NFIB: variants seen among roughly 807,000 people sequenced by gnomAD.
NFIB encodes the protein nuclear factor I B, also known as nuclear factor 1 B-type.
In NFIB, 11 loss-of-function variants were observed where a neutral mutation model predicts 61.5. The ratio of observed to expected loss-of-function variants is 0.18; its 90% CI spans 0.11 to 0.30. NFIB has a LOEUF of 0.30. Ranked by LOEUF, NFIB falls within the 10% of genes least tolerant of loss-of-function variation. The pLI, the probability that NFIB is intolerant of heterozygous loss-of-function variation, is 1.00. For synonymous variants in NFIB, 260 were observed against 216.5 expected (o/e 1.20, Z -1.76); for missense variants, 471 against 608.9 (o/e 0.77, Z 2.38).
intron 2 of NFIB, among the ~76,000 whole-genome samples, chr9:14,289,124 A>ATG (rs2058917115): frequency 7.2e-6 from 1 of 138,302 alleles, no homozygotes; most frequent in Admixed American, 7.7e-5. Flanking sequence ...GTGTATATGT[A>ATG]TATATATATA....
At chr9:14,498,809 TCCTCCCTTCCTC>T in the NFIB span, among the ~76,000 whole-genome samples, 71 of 67,600 alleles carry the variant, frequency 1.1e-3, 1 homozygote, top group South Asian at 5.7e-3. Flanking sequence ...CTTCCTCCCT[TCCTCCCTTCCTC>T]CCTTCCTCCC....
chr9:14,462,549 T>A, the NFIB span, among the ~76,000 whole-genome samples: 1 of 152,154 alleles, frequency 6.6e-6, no homozygotes, highest in Non-Finnish European at 1.5e-5. Context: ...CCCAAAGTGC[T>A]GGGATTACAG....
intron 2 of NFIB, among the ~76,000 whole-genome samples, chr9:14,221,584 A>G (rs1176449561): frequency 6.6e-6 from 1 of 151,960 alleles, no homozygotes; most frequent in Admixed American, 6.6e-5. Context: ...AGCTTATCTG[A>G]CTCCCCAATT....
At chr9:14,495,576 C>G in the NFIB span, among the ~76,000 whole-genome samples, 1 of 151,184 alleles carries the variant, frequency 6.6e-6, no homozygotes, top group South Asian at 2.1e-4. Context: ...GAGGGCAACG[C>G]CAATCATTTC....
At chr9:14,439,278 G>C in the NFIB span, among the ~76,000 whole-genome samples, 1 of 152,170 alleles carries the variant, frequency 6.6e-6, no homozygotes, top group Non-Finnish European at 1.5e-5. Flanking sequence ...GCTGAGGTGG[G>C]AGGATCCCTT....
At chr9:14,358,454 C>A (rs540887410) in intron 1 of NFIB, among the ~76,000 whole-genome samples, 91 of 152,192 alleles carry the variant, frequency 6.0e-4, no homozygotes, top group African/African-American at 2.0e-3. Flanking sequence ...AGGAGAGAGT[C>A]TGATTTGCAG....
At chr9:14,487,252 A>C in the NFIB span, among the ~76,000 whole-genome samples, 1 of 152,250 alleles carries the variant, frequency 6.6e-6, no homozygotes, top group East Asian at 1.9e-4. Context: ...TTTAAGAAAT[A>C]AATGGTTACG....
the NFIB span, among the ~76,000 whole-genome samples, chr9:14,419,866 T>C: frequency 6.6e-6 from 1 of 152,326 alleles, no homozygotes; most frequent in Non-Finnish European, 1.5e-5. Flanking sequence ...CTAGAAAACA[T>C]GAACCTGAGC....
At chr9:14,333,664 T>G (rs1429027185) in intron 1 of NFIB, among the ~76,000 whole-genome samples, 1 of 152,230 alleles carries the variant, frequency 6.6e-6, no homozygotes, top group Non-Finnish European at 1.5e-5. Flanking sequence ...TCTCTTCCTG[T>G]GCTTTCGAAA....
At chr9:14,365,515 T>C (rs186160401) in intron 1 of NFIB, among the ~76,000 whole-genome samples, 5 of 152,370 alleles carry the variant, frequency 3.3e-5, no homozygotes, top group Admixed American at 2.0e-4. Context: ...ATAAGATCCC[T>C]GCAGGTAGAC....
the NFIB span, among the ~76,000 whole-genome samples, chr9:14,460,195 A>G: frequency 1.3e-5 from 2 of 152,204 alleles, no homozygotes; most frequent in Non-Finnish European, 2.9e-5. Context: ...GCCATAAAAA[A>G]TGATGAGTTC....
chr9:14,192,128 G>C (rs986688000), intron 2 of NFIB, among the ~76,000 whole-genome samples: 2 of 152,116 alleles, frequency 1.3e-5, no homozygotes, highest in Admixed American at 1.3e-4. Flanking sequence ...GTCACCTGTT[G>C]TTTTTGGTCT....
At chr9:14,227,829 T>C (rs1468694952) in intron 2 of NFIB, among the ~76,000 whole-genome samples, 6 of 152,196 alleles carry the variant, frequency 3.9e-5, no homozygotes, top group Non-Finnish European at 7.3e-5. Context: ...GCTGTTTAGC[T>C]GCAGAGAGGA....
chr9:14,458,621 T>C, the NFIB span, among the ~76,000 whole-genome samples: 1 of 152,162 alleles, frequency 6.6e-6, no homozygotes, highest in Non-Finnish European at 1.5e-5. Context: ...GAAGACCCCA[T>C]CGTCTCAGCT....
At position 14,102,635 on chromosome 9, in the gene NFIB, A is replaced by T. The variant is rs975660518; in HGVS notation, c.1467+10364T>A. ...CCTTACTTTCCCAAGAGGCAACTTA[A>T]AGAAAAAAAAAAAGCAAAAAAAAAT... On this transcript the variant is annotated intron_variant, in intron 10 of 10. Transcript: ENST00000380953. 3 of 643,136 alleles carry T rather than the reference A, an allele frequency of 4.7e-6. No homozygotes were observed. In the African/African-American group the frequency reaches 6.2e-5, roughly 13 times the overall value. The allele number at this position is 643,136 out of a possible 1,614,324, so 39.8% of individuals were successfully genotyped here.
At chr9:14,269,135 A>G (rs992305294) in intron 2 of NFIB, among the ~76,000 whole-genome samples, 4 of 152,150 alleles carry the variant, frequency 2.6e-5, no homozygotes, top group Admixed American at 2.0e-4. Flanking sequence ...TATTAAAAAC[A>G]TTTTAATAGA....
intron 8 of NFIB, among the ~76,000 whole-genome samples, chr9:14,117,378 T>C (rs578069377): frequency 1.3e-5 from 2 of 152,310 alleles, no homozygotes; most frequent in East Asian, 3.9e-4. Context: ...AGACTGAGAA[T>C]GTTATTTTTG....
chr9:14,375,659 CA>C (rs527864761), intron 1 of NFIB, among the ~76,000 whole-genome samples: 120 of 140,622 alleles, frequency 8.5e-4, no homozygotes, highest in Middle Eastern at 3.5e-3. Context: ...AACTCCATCT[CA>C]AAAAAAAAAA....
intron 2 of NFIB, among the ~76,000 whole-genome samples, chr9:14,201,079 A>C (rs898930064): frequency 6.6e-6 from 1 of 152,028 alleles, no homozygotes; most frequent in African/African-American, 2.4e-5. Flanking sequence ...CCCCATCTCC[A>C]TCCCAACTGG....
Sources: allele counts gnomAD v4.1 joint callset (sites outside exome capture counted in the v4.1 genomes callset), GRCh38; gene constraint gnomAD v4.1.1; transcripts MANE v1.5; gene names NCBI Gene and HGNC (gene_info 2026-07-23, HGNC 2026-07-21).